ATP2C2: variants seen among roughly 807,000 people sequenced by gnomAD.
ATP2C2 encodes ATPase secretory pathway Ca2+ transporting 2.
Under a neutral mutation model 110.8 loss-of-function variants are expected in ATP2C2, and 171 were observed. The observed-to-expected ratio is 1.54, with a 90% CI of 1.36 to 1.75. ATP2C2 has a LOEUF of 1.75. Among genes scored for constraint, ATP2C2 ranks in the 40% most tolerant of loss-of-function variants. ATP2C2 has a pLI of 0.00. For missense variants in ATP2C2, 1,963 were observed against 1,235.0 expected, an observed-to-expected ratio of 1.59 and a Z score of -8.84; for synonymous variants, 804 against 508.4, an observed-to-expected ratio of 1.58 and a Z score of -7.82.
intron 1 of ATP2C2, among the ~76,000 whole-genome samples, chr16:84,397,827 A>C (rs1251120978): frequency 6.6e-6 from 1 of 151,806 alleles, no homozygotes; most frequent in African/African-American, 2.4e-5. Flanking sequence ...ATGCATTCTC[A>C]CTTGTATAAA....
At chr16:84,455,751 GA>G (rs34618441) in intron 21 of ATP2C2, among the ~76,000 whole-genome samples, 50,308 of 140,180 alleles carry the variant, frequency 0.36, 8,821 homozygotes, top group East Asian at 0.59. Flanking sequence ...AACACACTTA[GA>G]AAAAAAAAAA....
intron 11 of ATP2C2, among the ~76,000 whole-genome samples, chr16:84,438,490 A>T (rs1294376116): frequency 6.6e-6 from 1 of 152,210 alleles, no homozygotes; most frequent in African/African-American, 2.4e-5. Context: ...CTGCAGCCCC[A>T]GTCTCATTTC....
chr16:84,371,553 T>A (rs1909955659), intron 1 of ATP2C2, among the ~76,000 whole-genome samples: 1 of 152,176 alleles, frequency 6.6e-6, no homozygotes, highest in African/African-American at 2.4e-5. Flanking sequence ...CTTAATTTAG[T>A]TACTAGAAAA....
In ATP2C2 at chr16:84,463,666, C is replaced by T; in HGVS notation, c.2775C>T (p.Leu925=). The part of the protein sequence containing the change: ...LASSVFILSE[L]LKLCEKYCCS... ...CATCCGTCTTCATTTTGTCAGAGCT[C>T]CTCAAACTATGTGAAAAATACTGTT... The change falls in exon 27 of 27, where the codon CTC becomes CTT. Residue 925 remains leucine, a synonymous_variant. Coordinates refer to ENST00000262429, the MANE Select transcript of ATP2C2 (RefSeq NM_014861.4). 1 of 1,614,204 alleles carries T rather than the reference C, an allele frequency of 6.2e-7. No individual in the cohort carries two copies.
intron 6 of ATP2C2, among the ~76,000 whole-genome samples, chr16:84,411,912 TC>T (rs2150528077): frequency 6.6e-6 from 1 of 152,280 alleles, no homozygotes; most frequent in East Asian, 1.9e-4. Context: ...AACAGCTTTT[TC>T]CTTTTTCTTT....
intron 18 of ATP2C2, among the ~76,000 whole-genome samples, chr16:84,452,386 A>G (rs1206303013): frequency 1.3e-5 from 2 of 152,040 alleles, no homozygotes; most frequent in Admixed American, 6.6e-5. Context: ...GGCCATGTAC[A>G]GTTTCAGTCT....
intron 17 of ATP2C2, 47 bp downstream of exon 17, chr16:84,448,736 A>G (rs1349513309): frequency 3.2e-6 from 5 of 1,571,320 alleles, no homozygotes; most frequent in Admixed American, 3.6e-5. Context: ...TGCATGTAAC[A>G]TTGACTTTTA....
Position 84,461,917 on chromosome 16 carries a change from A to G in ATP2C2, c.2581-71A>G. ...TGAGCGGCTCTGGCTCAGCGTGGGC[A>G]GTCAGAGCTCCCCTGCCTGTACCTG... is the stretch of plus-strand genomic sequence containing the variant. On this transcript the variant is annotated intron_variant, in intron 25 of 26. Coordinates refer to ENST00000262429, the MANE Select transcript of ATP2C2 (RefSeq NM_014861.4). The G allele has an allele frequency of 1.9e-6, 3 of 1,607,678 alleles. No homozygotes were observed. In the South Asian group the frequency reaches 3.3e-5, roughly 18 times the overall value.
chr16:84,416,007 C>G (rs766940724), intron 7 of ATP2C2, among the ~76,000 whole-genome samples: 1 of 152,266 alleles, frequency 6.6e-6, no homozygotes. Context: ...GTGAAACTCT[C>G]TACTAAAAAT....
chr16:84,410,500 C>A (rs1177683027), intron 4 of ATP2C2, 68 bp from the exon 5 acceptor site: 2 of 1,523,174 alleles, frequency 1.3e-6, no homozygotes, highest in Middle Eastern at 2.1e-4. Context: ...AAGCCCCTAG[C>A]CTGCCACGCC....
At chr16:84,441,091 C>A in intron 14 of ATP2C2, 133 bp downstream of exon 14, 2 of 766,624 alleles carry the variant, frequency 2.6e-6, no homozygotes, top group Admixed American at 2.4e-5. Context: ...GTGAGGCTGG[C>A]ACAGCACTGA....
intron 11 of ATP2C2, among the ~76,000 whole-genome samples, chr16:84,437,622 TCTC>T (rs1232962780): frequency 5.3e-5 from 8 of 152,206 alleles, no homozygotes; most frequent in African/African-American, 1.9e-4. Context: ...TTCAAGCAAT[TCTC>T]CTGCCTCAGC....
At chr16:84,424,665 G>A (rs904016222) in intron 10 of ATP2C2, among the ~76,000 whole-genome samples, 48 of 149,472 alleles carry the variant, frequency 3.2e-4, no homozygotes, top group African/African-American at 1.1e-3. Flanking sequence ...CCCCCTAGAA[G>A]GCCCAAGGGG....
chr16:84,453,154 G>A lies in ATP2C2; in HGVS notation c.1848G>A (p.Leu616=). ...CTTCTGAAGGAAGAAACATCGGCCTGTGCAACGGGAAGCTGCAAGCCATGT... is the reference window on the plus strand; with the variant it reads ...CTTCTGAAGGAAGAAACATCGGCCTATGCAACGGGAAGCTGCAAGCCATGT... ...TALAIGRNIG[L]CNGKLQAMSG... is the part of the protein sequence containing the mutation. Residue 616 remains leucine, a synonymous_variant, in exon 19 of 27, where the codon CTG becomes CTA. Coordinates refer to ENST00000262429, the MANE Select transcript of ATP2C2 (RefSeq NM_014861.4). The A allele has an allele frequency of 3.7e-6, 6 of 1,613,150 alleles. No individual in the cohort carries two copies. The highest frequency in any genetic ancestry group is 3.3e-5 in the South Asian group (3 of 90,994).
chr16:84,370,469 T>A (rs1044920141), intron 1 of ATP2C2, among the ~76,000 whole-genome samples: 4 of 151,862 alleles, frequency 2.6e-5, no homozygotes, highest in Non-Finnish European at 5.9e-5. Flanking sequence ...GAAATGGCAA[T>A]GAAGATCGAT....
rs762158377 is a variant in ATP2C2, at chr16:84,453,181, C to T, written c.1875C>T (p.Ser625=). Residue 625 remains serine (S), a synonymous_variant, in exon 19 of 27, where the codon TCC becomes TCT. Transcript: ENST00000262429. ...GCAACGGGAAGCTGCAAGCCATGTCCGGGGAGGAGGTGGACAGCGTGGAGA... is the reference window on the plus strand; with the variant it reads ...GCAACGGGAAGCTGCAAGCCATGTCTGGGGAGGAGGTGGACAGCGTGGAGA... The part of the protein sequence containing the change: ...GLCNGKLQAM[S]GEEVDSVEKG... 5.3e-5 allele frequency: 86 copies of T among 1,613,720 alleles called. No individual in the cohort carries two copies. Among genetic ancestry groups the T allele is most frequent in the Non-Finnish European group, 6.9e-5 (81 of 1,179,874 alleles).
At chr16:84,445,882 C>G (rs573020091) in intron 15 of ATP2C2, among the ~76,000 whole-genome samples, 4 of 152,318 alleles carry the variant, frequency 2.6e-5, no homozygotes, top group East Asian at 1.9e-4. Flanking sequence ...TCTGAGTTGT[C>G]ACATCACTGA....
chr16:84,427,224 A>T (rs1907884257), intron 11 of ATP2C2, among the ~76,000 whole-genome samples: 1 of 152,134 alleles, frequency 6.6e-6, no homozygotes, highest in South Asian at 2.1e-4. Flanking sequence ...AATACATCAA[A>T]CCCATGATGT....
At chr16:84,445,430 G>T (rs917786135) in intron 15 of ATP2C2, among the ~76,000 whole-genome samples, 2 of 152,022 alleles carry the variant, frequency 1.3e-5, no homozygotes, top group African/African-American at 4.8e-5. Context: ...GGATGGTCTT[G>T]ATCTCCTCAC....
Sources: gnomAD v4.1 joint callset for allele counts (sites outside exome capture counted in the v4.1 genomes callset) on GRCh38, gnomAD v4.1.1 for gene constraint, MANE v1.5 for transcripts, NCBI Gene and HGNC (gene_info 2026-07-23, HGNC 2026-07-21) for gene names.